Variants in VWC2L observed in about 807,000 individuals in gnomAD.
The protein encoded by VWC2L is von Willebrand factor C domain containing 2 like, also known as von Willebrand factor C domain-containing protein 2-like.
Under a neutral mutation model 21.6 loss-of-function variants are expected in VWC2L, and 10 were observed. The observed-to-expected ratio is 0.46, with a 90% CI of 0.29 to 0.78. The LOEUF is 0.78. Among genes scored for constraint, VWC2L ranks in the 30% least tolerant of loss-of-function variants. The pLI, the probability that VWC2L is intolerant of heterozygous loss-of-function variation, is 0.10. For missense variants in VWC2L, 209 were observed against 277.1 expected (o/e 0.75, Z 1.74); for synonymous variants, 96 against 94.3 (o/e 1.02, Z -0.10).
chr2:214,551,739 G>A (rs1689797902), intron 3 of VWC2L, among the ~76,000 whole-genome samples: 1 of 152,112 alleles, frequency 6.6e-6, no homozygotes, highest in Non-Finnish European at 1.5e-5. Context: ...CTAAATGTCT[G>A]CCTCCTCCAA....
At chr2:214,518,309 T>C (rs1386391909) in intron 3 of VWC2L, among the ~76,000 whole-genome samples, 1 of 152,232 alleles carries the variant, frequency 6.6e-6, no homozygotes, top group South Asian at 2.1e-4. Context: ...TGTATAACAA[T>C]ATAAAATAAA....
intron 3 of VWC2L, among the ~76,000 whole-genome samples, chr2:214,535,305 ATTTATAAAATTAATGAACAT>A (rs1689508351): frequency 6.6e-6 from 1 of 152,094 alleles, no homozygotes; most frequent in African/African-American, 2.4e-5. Flanking sequence ...CTGACATTTG[ATTTATAAAATTAATGAACAT>A]ACTAAAGAAA....
chr2:214,573,281 G>A (rs989874380), intron 3 of VWC2L, among the ~76,000 whole-genome samples: 1 of 151,940 alleles, frequency 6.6e-6, no homozygotes, highest in African/African-American at 2.4e-5. Flanking sequence ...ACGCTCACAC[G>A]GTTAAGATTC....
At chr2:214,496,512 T>C (rs1276603593) in intron 3 of VWC2L, among the ~76,000 whole-genome samples, 1 of 152,122 alleles carries the variant, frequency 6.6e-6, no homozygotes, top group Non-Finnish European at 1.5e-5. Context: ...AGAACATTGA[T>C]AGACCTCCTA....
At chr2:214,534,381 C>T (rs760602770) in intron 3 of VWC2L, among the ~76,000 whole-genome samples, 2 of 152,070 alleles carry the variant, frequency 1.3e-5, no homozygotes, top group African/African-American at 2.4e-5. Context: ...TGTATCTCTG[C>T]GTTCTTTGAT....
Position 214,422,908 on chromosome 2 carries a change from C to T in VWC2L, c.390+8325C>T, listed in dbSNP as rs1247759125. Among the ~76,000 whole-genome samples, 3 of 152,116 alleles carry T rather than the reference C, an allele frequency of 2.0e-5. No individual in the cohort carries two copies. The East Asian group carries it at 5.8e-4, about 29-fold the overall frequency. ...TGCACTGAACACTACTCTTAATTTT[C>T]CCATTATGTCACATAACCATGAACA... On this transcript the variant is annotated intron_variant, in intron 2 of 3. Transcript: ENST00000312504.
rs1264776897 is a variant in VWC2L, at chr2:214,495,324, G to A, written c.520+58566G>A. On this transcript the variant is annotated intron_variant, in intron 3 of 3. Coordinates refer to ENST00000312504, the MANE Select transcript of VWC2L (RefSeq NM_001080500.4). The stretch of plus-strand genomic sequence containing the variant: ...TGCTGAGCCAGTTGTGACTCTGAGG[G>A]CCTGCTCAGAGGTTTCTTAGAGGAC... Among the ~76,000 whole-genome samples the A allele has an allele frequency of 3.3e-5, 5 of 152,106 alleles. No individual in the cohort carries two copies. The East Asian group carries it at 5.8e-4, about 18-fold the overall frequency.
In VWC2L at chr2:214,436,765, C is replaced by A. The variant is rs753734894; in HGVS notation, c.520+7C>A. ...TGTCCTGTCTGCAAAAATGGTAAGACCACACTGCATTAGCTTTTGAAGAGG... is the reference window on the plus strand; with the variant it reads ...TGTCCTGTCTGCAAAAATGGTAAGAACACACTGCATTAGCTTTTGAAGAGG... On this transcript the variant is annotated splice_region_variant and intron_variant, in intron 3 of 3. Coordinates refer to ENST00000312504, the MANE Select transcript of VWC2L (RefSeq NM_001080500.4). The A allele has an allele frequency of 6.2e-7, 1 of 1,612,900 alleles. No homozygotes were observed. The highest frequency in any genetic ancestry group is 8.5e-7 in the Non-Finnish European group (1 of 1,179,156).
intron 3 of VWC2L, among the ~76,000 whole-genome samples, chr2:214,552,567 T>G (rs1011115576): frequency 2.6e-5 from 4 of 152,166 alleles, no homozygotes; most frequent in Admixed American, 6.5e-5. Flanking sequence ...CTTACAAGCT[T>G]CTTCTTCTCT....
chr2:214,500,238 T>C (rs978193973), intron 3 of VWC2L, among the ~76,000 whole-genome samples: 1 of 152,244 alleles, frequency 6.6e-6, no homozygotes, highest in African/African-American at 2.4e-5. Flanking sequence ...ATTTTTCTGC[T>C]CTGATAAAAC....
intron 2 of VWC2L, among the ~76,000 whole-genome samples, chr2:214,417,252 T>G (rs1042347673): frequency 6.6e-6 from 1 of 152,296 alleles, no homozygotes; most frequent in South Asian, 2.1e-4. Context: ...GTTCAGTAGA[T>G]AAGATACTGT....
intron 3 of VWC2L, among the ~76,000 whole-genome samples, chr2:214,490,919 T>C (rs1403618402): frequency 2.0e-5 from 3 of 152,154 alleles, no homozygotes; most frequent in African/African-American, 2.4e-5. Flanking sequence ...CCGTGCTAAA[T>C]GAGAGAAGCA....
At chr2:214,572,879 A>G (rs1690172882) in intron 3 of VWC2L, among the ~76,000 whole-genome samples, 1 of 152,166 alleles carries the variant, frequency 6.6e-6, no homozygotes, top group African/African-American at 2.4e-5. Flanking sequence ...AGAGCTTACC[A>G]TATGATTTAC....
chr2:214,531,181 T>C (rs759834993), intron 3 of VWC2L, among the ~76,000 whole-genome samples: 6 of 152,162 alleles, frequency 3.9e-5, no homozygotes, highest in Non-Finnish European at 5.9e-5. Context: ...TTGAGTTGAG[T>C]TGGGAATCAC....
chr2:214,528,755 G>C (rs2105914925), intron 3 of VWC2L, among the ~76,000 whole-genome samples: 1 of 152,176 alleles, frequency 6.6e-6, no homozygotes, highest in East Asian at 1.9e-4. Context: ...TTAACACACA[G>C]AGTAGAAAAA....
At chr2:214,537,572 A>T (rs1165990151) in intron 3 of VWC2L, among the ~76,000 whole-genome samples, 1 of 152,014 alleles carries the variant, frequency 6.6e-6, no homozygotes, top group Non-Finnish European at 1.5e-5. Flanking sequence ...GAGAGAAATG[A>T]GGAGATGTTG....
intron 2 of VWC2L, among the ~76,000 whole-genome samples, chr2:214,426,280 C>T (rs935831226): frequency 6.6e-6 from 1 of 150,432 alleles, no homozygotes; most frequent in African/African-American, 2.4e-5. Context: ...AAAATTGGAA[C>T]GTTTGCAAAC....
chr2:214,541,257 G>T, intron 3 of VWC2L, among the ~76,000 whole-genome samples: 1 of 150,250 alleles, frequency 6.7e-6, no homozygotes, highest in Non-Finnish European at 1.5e-5. Flanking sequence ...GTCTCATTTT[G>T]TTTTTCATCT....
At chr2:214,465,477 C>A (rs767090181) in intron 3 of VWC2L, among the ~76,000 whole-genome samples, 22 of 152,178 alleles carry the variant, frequency 1.4e-4, no homozygotes, top group Non-Finnish European at 2.6e-4. Flanking sequence ...GCCTGGTGCC[C>A]TATTCTACTG....
Sources: gnomAD v4.1 joint callset for allele counts (sites outside exome capture counted in the v4.1 genomes callset) on GRCh38, gnomAD v4.1.1 for gene constraint, MANE v1.5 for transcripts, NCBI Gene and HGNC (gene_info 2026-07-23, HGNC 2026-07-21) for gene names.